Variants in ANXA2 observed in about 807,000 individuals in gnomAD.
ANXA2 encodes the protein annexin II.
Under a neutral mutation model 47.3 loss-of-function variants are expected in ANXA2, and 28 were observed. The ratio of observed to expected loss-of-function variants is 0.59; its 90% CI spans 0.44 to 0.81. The LOEUF is 0.81. ANXA2 is among the 40% of genes least tolerant of loss of function. ANXA2 has a pLI of 0.00. For missense variants in ANXA2, 384 were observed against 414.3 expected, an observed-to-expected ratio of 0.93 and a Z score of 0.64; for synonymous variants, 172 against 155.5, an observed-to-expected ratio of 1.11 and a Z score of -0.79.
At chr15:60,351,951 G>T (rs2140777289) in intron 9 of ANXA2, 132 bp from the exon 10 acceptor site, 2 of 676,176 alleles carry the variant, frequency 3.0e-6, no homozygotes, top group Non-Finnish European at 5.2e-6. Context: ...GAGCTTAGAG[G>T]TTACCACGGT....
chr15:60,395,766 C>G (rs776570588), intron 1 of ANXA2: 7 of 152,194 alleles, frequency 4.6e-5, no homozygotes, highest in Non-Finnish European at 1.0e-4. Flanking sequence ...TGGGCATTTA[C>G]CACAGGCAGT....
chr15:60,364,815 G>A (rs1363401138), intron 3 of ANXA2, among the ~76,000 whole-genome samples: 1 of 151,878 alleles, frequency 6.6e-6, no homozygotes, highest in Non-Finnish European at 1.5e-5. Flanking sequence ...TCAACAGTAG[G>A]AGGTGCATAT....
In ANXA2 at chr15:60,351,102, CT is replaced by C. The variant is rs1895988781; in HGVS notation, c.837+90del. 4 of 1,362,466 alleles carry C rather than the reference CT, an allele frequency of 2.9e-6. No individual in the cohort carries two copies. In the African/African-American group the frequency reaches 4.3e-5, roughly 15 times the overall value. The allele number at this position is 1,362,466 out of a possible 1,614,324, so 84.4% of individuals were successfully genotyped here. ...GCATCCACACAGTGGGGTCCCCTTC[CT>C]CCATCCATGAATCAAGGAGACTCAA... On this transcript the variant is annotated intron_variant, in intron 11 of 12. Transcript: ENST00000451270.
At chr15:60,354,646 GA>G in intron 7 of ANXA2, among the ~76,000 whole-genome samples, 1 of 146,912 alleles carries the variant, frequency 6.8e-6, no homozygotes, top group Non-Finnish European at 1.5e-5. Flanking sequence ...AAGAAAGAAA[GA>G]AAAGAAAAAG....
chr15:60,391,662 T>G (rs990278713), intron 1 of ANXA2, among the ~76,000 whole-genome samples: 11 of 152,200 alleles, frequency 7.2e-5, no homozygotes, highest in Non-Finnish European at 1.5e-4. Context: ...TACTCTGACT[T>G]CAGTGTACTT....
chr15:60,376,747 G>A (rs543568871), intron 3 of ANXA2, among the ~76,000 whole-genome samples: 3 of 152,186 alleles, frequency 2.0e-5, no homozygotes, highest in Non-Finnish European at 4.4e-5. Context: ...ATGGCAAGCA[G>A]TGCCCCCAAA....
intron 7 of ANXA2, 34 bp downstream of exon 7, chr15:60,355,885 A>T: frequency 2.6e-6 from 4 of 1,559,794 alleles, no homozygotes; most frequent in Non-Finnish European, 3.5e-6. Context: ...CCTTGGGAGG[A>T]AGCAAGGGCA....
intron 4 of ANXA2, among the ~76,000 whole-genome samples, chr15:60,361,766 CAG>C (rs1340357390): frequency 1.3e-5 from 2 of 152,128 alleles, no homozygotes; most frequent in African/African-American, 2.4e-5. Context: ...AAAAATTTGT[CAG>C]AGGTCTGGTC....
In ANXA2 at chr15:60,351,352, C is replaced by T. The variant is rs148416568; in HGVS notation, c.779-101G>A. 6.0e-5 allele frequency: 72 copies of T among 1,202,080 alleles called. No individual in the cohort carries two copies. The African/African-American group carries it at 9.9e-4, about 17-fold the overall frequency. 74.5% of individuals were successfully genotyped at this position (1,202,080 alleles called of 1,614,324 possible). A position where few individuals can be genotyped will look rare whatever the true frequency, so the allele number is the denominator to read the frequency against. On this transcript the variant is annotated intron_variant, in intron 10 of 12. Transcript: ENST00000451270. ...CCCTGGGCCACAAACCAGAAGTGAC[C>T]TAATGCAATGGAAAAGGGCTGCAAA...
At chr15:60,395,133 A>T (rs902188384) in intron 1 of ANXA2, among the ~76,000 whole-genome samples, 2 of 152,258 alleles carry the variant, frequency 1.3e-5, no homozygotes, top group Admixed American at 6.5e-5. Context: ...GCTGGATTAA[A>T]GGGGAAATGA....
intron 1 of ANXA2, 182 bp downstream of exon 1, chr15:60,397,761 T>G: frequency 1.0e-4 from 63 of 601,252 alleles, no homozygotes; most frequent in East Asian, 2.9e-4. Flanking sequence ...CCCAAACACC[T>G]TGTCCCTGAG....
At chr15:60,355,833 T>G (rs968246204) in intron 7 of ANXA2, 86 bp downstream of exon 7, 5 of 1,122,730 alleles carry the variant, frequency 4.5e-6, no homozygotes, top group Non-Finnish European at 6.8e-6. Context: ...CACAGGGGAT[T>G]TAGTTAATTC....
chr15:60,364,336 G>T, intron 4 of ANXA2, 93 bp downstream of exon 4: 2 of 969,284 alleles, frequency 2.1e-6, no homozygotes, highest in Non-Finnish European at 3.2e-6. Context: ...AGTCTTTTGC[G>T]CATGAGAGCC....
At chr15:60,397,381 TG>T in intron 1 of ANXA2, 1 of 947,792 alleles carries the variant, frequency 1.1e-6, no homozygotes, top group Non-Finnish European at 1.3e-6. Context: ...TCTTCTTTTA[TG>T]GGGGGCTGAG....
intron 11 of ANXA2, 53 bp downstream of exon 11, chr15:60,351,140 A>G: frequency 3.1e-6 from 5 of 1,595,788 alleles, no homozygotes; most frequent in Non-Finnish European, 4.3e-6. Context: ...TTGGGACCCA[A>G]AAGAAGAAAA....
At chr15:60,386,254 C>T (rs1310385064) in intron 1 of ANXA2, 168 bp from the exon 2 acceptor site, 1 of 599,108 alleles carries the variant, frequency 1.7e-6, no homozygotes, top group Non-Finnish European at 3.0e-6. Context: ...AAAACTAAAC[C>T]TCAGAGATGG....
At chr15:60,357,274 C>T in intron 5 of ANXA2, 38 bp from the exon 6 acceptor site, 1 of 1,554,128 alleles carries the variant, frequency 6.4e-7, no homozygotes, top group Non-Finnish European at 8.9e-7. Context: ...CAGGGAAATG[C>T]TTCCCCACCA....
chr15:60,365,044 A>G (rs112891006), intron 3 of ANXA2, among the ~76,000 whole-genome samples: 4,268 of 48,492 alleles, frequency 0.088, 621 homozygotes, highest in African/African-American at 0.24. Flanking sequence ...CAGATTTAAC[A>G]CGGCAGTTGT....
At chr15:60,394,696 C>G (rs953746981) in intron 1 of ANXA2, 1 of 112,770 alleles carries the variant, frequency 8.9e-6, no homozygotes, top group African/African-American at 3.0e-5. Context: ...CAGGCTCCAT[C>G]TCAAAAGAAA....
Sources: allele counts gnomAD v4.1 joint callset (sites outside exome capture counted in the v4.1 genomes callset), GRCh38; gene constraint gnomAD v4.1.1; transcripts MANE v1.5; gene names NCBI Gene and HGNC (gene_info 2026-07-23, HGNC 2026-07-21).